BTBD17: variants seen among roughly 807,000 people sequenced by gnomAD.
BTBD17 encodes BTB/POZ domain-containing protein 17.
In BTBD17, 26 loss-of-function variants were observed where a neutral mutation model predicts 36.9. The ratio of observed to expected loss-of-function variants is 0.70; its 90% CI spans 0.52 to 0.98. The LOEUF is 0.98. Among genes scored for constraint, BTBD17 ranks in the 50% least tolerant of loss-of-function variants. The pLI, the probability that BTBD17 is intolerant of heterozygous loss-of-function variation, is 0.00. For synonymous variants in BTBD17, 341 were observed against 338.0 expected, an observed-to-expected ratio of 1.01 and a Z score of -0.10; for missense variants, 630 against 691.3, an observed-to-expected ratio of 0.91 and a Z score of 0.99.
At chr17:74,360,710 T>C (rs2054932566) in intron 1 of BTBD17, among the ~76,000 whole-genome samples, 1 of 152,222 alleles carries the variant, frequency 6.6e-6, no homozygotes, top group African/African-American at 2.4e-5. Context: ...TGCTAGACAT[T>C]CTCCTAAGAG....
rs2144322771 is a variant in BTBD17, at chr17:74,358,627, C to T, written c.363-896G>A. On this transcript the variant is annotated intron_variant, in intron 2 of 2. Coordinates refer to ENST00000375366, the MANE Select transcript of BTBD17 (RefSeq NM_001080466.2). Reference sequence around the variant, plus strand: ...CCCCCATTTCTTTTTTGCAGCCTCACCTTTCTTTTTCCTCTCCTACTGTTG... The same window carrying T: ...CCCCCATTTCTTTTTTGCAGCCTCATCTTTCTTTTTCCTCTCCTACTGTTG... 2.0e-5 allele frequency among the ~76,000 whole-genome samples: 3 copies of T among 151,910 alleles called. No individual in the cohort carries two copies. The South Asian group carries it at 6.2e-4, about 32-fold the overall frequency.
At position 74,357,302 on chromosome 17, in the gene BTBD17, C is replaced by A. The variant is rs770150785; in HGVS notation, c.792G>T (p.Gln264His). Residue 264 changes from glutamine (Q) to histidine (H), a missense_variant, in exon 3 of 3, where the codon CAG becomes CAT. Gln to His is a conservative substitution (Grantham distance 24, BLOSUM62 0). Coordinates refer to ENST00000375366, the MANE Select transcript of BTBD17 (RefSeq NM_001080466.2). The surrounding 1 kb of genome is among the most constrained non-coding windows in gnomAD (Gnocchi z 8.4). ...AIRYPMIPPA[Q>H]LFQLQARSAA... The stretch of plus-strand genomic sequence containing the variant: ...CCGAGCGCGCCTGCAGCTGGAACAG[C>A]TGTGCCGGTGGGATCATGGGGTAGC... The A allele has an allele frequency of 1.4e-5, 22 of 1,558,846 alleles. No homozygotes were observed. Among genetic ancestry groups the A allele is most frequent in the Admixed American group, 7.6e-5 (4 of 52,980 alleles).
rs1567931232 is a variant in BTBD17, at chr17:74,357,842, G to C, written c.363-111C>G. The C allele has an allele frequency of 1.2e-6, 1 of 831,366 alleles. No homozygotes were observed. Among genetic ancestry groups the C allele is most frequent in the Non-Finnish European group, 1.8e-6 (1 of 556,426 alleles). The allele number at this position is 831,366 out of a possible 1,614,324, so 51.5% of individuals were successfully genotyped here. A position where few individuals can be genotyped will look rare whatever the true frequency, so the allele number is the denominator to read the frequency against. On this transcript the variant is annotated intron_variant, in intron 2 of 2. Coordinates refer to ENST00000375366, the MANE Select transcript of BTBD17 (RefSeq NM_001080466.2). The surrounding 1 kb of genome is among the most constrained non-coding windows in gnomAD (Gnocchi z 8.4). ...CCTGGAGTTGGAGCTTCACTGTCCG[G>C]GTGCAAACACAGTGGAAGCCCCACC...
At chr17:74,362,401 G>A (rs1340073342), upstream of BTBD17, among the ~76,000 whole-genome samples, 5 of 152,200 alleles carry the variant, frequency 3.3e-5, no homozygotes, top group South Asian at 2.1e-4. Context: ...GAGATCTCTC[G>A]AATAGGGGCC....
rs372913931 is a variant in BTBD17, at chr17:74,356,667, G to T, written c.1427C>A (p.Thr476Asn). Residue 476 changes from threonine to asparagine, a missense_variant, in exon 3 of 3, where the codon ACC becomes AAC. Physicochemically the swap from Thr to Asn is moderately conservative, Grantham distance 65. Transcript: ENST00000375366. This position sits in a 1 kb window ranked among gnomAD's most constrained non-coding sequence, Gnocchi z 4.3. ...VKPVYHTLIR[T>N]PK ...TCCCAGACCCCGAGGCTACTTGGGGGTCCGGATAAGGGTGTGGTATACGGG... is the reference window on the plus strand; with the variant it reads ...TCCCAGACCCCGAGGCTACTTGGGGTTCCGGATAAGGGTGTGGTATACGGG... 6.5e-7 allele frequency: 1 copy of T among 1,535,680 alleles called. No homozygotes were observed. Among genetic ancestry groups the T allele is most frequent in the Non-Finnish European group, 8.8e-7 (1 of 1,135,008 alleles).
At position 74,357,037 on chromosome 17, in the gene BTBD17, G is replaced by T; in HGVS notation, c.1057C>A (p.Arg353=). ...GAGAAGAGCACGTTCCAGGTGACCC[G>T]GCGGCCCGCGTCGTGGCCACTCGGG... ...LGPSGHDAGR[R]VTWNVLFSPR... is the part of the protein sequence containing the mutation. Residue 353 remains arginine, a synonymous_variant, in exon 3 of 3, where the codon CGG becomes AGG. Transcript: ENST00000375366. This position sits in a 1 kb window ranked among gnomAD's most constrained non-coding sequence, Gnocchi z 8.4. The T allele has an allele frequency of 6.6e-7, 1 of 1,526,280 alleles. No individual in the cohort carries two copies. Among genetic ancestry groups the T allele is most frequent in the Non-Finnish European group, 8.7e-7 (1 of 1,149,388 alleles). The allele number at this position is 1,526,280 out of a possible 1,614,324, so 94.5% of individuals were successfully genotyped here.
rs1165632904 is a variant in BTBD17 at position 74,357,330 on chromosome 17, A to G, written c.764T>C (p.Ile255Thr). 1.3e-6 allele frequency: 2 copies of G among 1,555,350 alleles called. No individual in the cohort carries two copies. Among genetic ancestry groups the G allele is most frequent in the Non-Finnish European group, 1.7e-6 (2 of 1,157,688 alleles). Residue 255 changes from isoleucine to threonine, a missense_variant, in exon 3 of 3, where the codon ATA becomes ACA. Coordinates refer to ENST00000375366, the MANE Select transcript of BTBD17 (RefSeq NM_001080466.2). This position sits in a 1 kb window ranked among gnomAD's most constrained non-coding sequence, Gnocchi z 8.4. ...TGCCGGTGGGATCATGGGGTAGCGT[A>G]TGGCGCGCAGCGCCCGCTCGGCCAC... is the stretch of plus-strand genomic sequence containing the variant. ...PAVAERALRA[I>T]RYPMIPPAQL...
chr17:74,357,355 C>T lies in BTBD17; in HGVS notation c.739G>A (p.Val247Met), dbSNP rs1202764860. Residue 247 changes from valine (V) to methionine (M), a missense_variant, in exon 3 of 3, where the codon GTG (valine) becomes ATG (methionine). Transcript: ENST00000375366. This position sits in a 1 kb window ranked among gnomAD's most constrained non-coding sequence, Gnocchi z 8.4. ...WLGRARPPPA[V>M]AERALRAIRY... is the part of the protein sequence containing the mutation. ...ATGGCGCGCAGCGCCCGCTCGGCCA[C>T]GGCAGGGGGCGGCCGCGCGCGACCC... 9 of 1,548,718 alleles carry T rather than the reference C, an allele frequency of 5.8e-6. No homozygotes were observed. The highest frequency in any genetic ancestry group is 2.3e-5 in the South Asian group (2 of 85,272).
intron 2 of BTBD17, 25 bp downstream of exon 2, chr17:74,359,944 A>G: frequency 6.3e-7 from 1 of 1,594,854 alleles, no homozygotes; most frequent in South Asian, 1.1e-5. Context: ...GGATGAAGCC[A>G]TCCCCTAGTC....
upstream of BTBD17, among the ~76,000 whole-genome samples, chr17:74,362,676 CCTG>C (rs1206864728): frequency 6.6e-6 from 1 of 152,232 alleles, no homozygotes; most frequent in Non-Finnish European, 1.5e-5. Flanking sequence ...GACTGTCTGC[CCTG>C]CTATTTCCTG....
rs752279169 is a variant in BTBD17, at chr17:74,357,352, C to T, written c.742G>A (p.Ala248Thr). The T allele has an allele frequency of 1.1e-5, 17 of 1,552,108 alleles. No homozygotes were observed. The highest frequency in any genetic ancestry group is 8.6e-6 in the Non-Finnish European group (10 of 1,157,198). ...CGTATGGCGCGCAGCGCCCGCTCGG[C>T]CACGGCAGGGGGCGGCCGCGCGCGA... ...LGRARPPPAV[A>T]ERALRAIRYP... Residue 248 changes from alanine (A) to threonine (T), a missense_variant, in exon 3 of 3, where the codon GCC (alanine) becomes ACC (threonine). By Grantham distance (58) the Ala-to-Thr change is moderately conservative. Transcript: ENST00000375366. The surrounding 1 kb of genome is among the most constrained non-coding windows in gnomAD (Gnocchi z 8.4).
chr17:74,358,416 C>T (rs1028696875), intron 2 of BTBD17, among the ~76,000 whole-genome samples: 7 of 150,180 alleles, frequency 4.7e-5, no homozygotes, highest in African/African-American at 1.7e-4. Context: ...GGGAAGATAG[C>T]TTCAGCCTAG....
chr17:74,359,994 C>T lies in BTBD17; in HGVS notation c.337G>A (p.Ala113Thr), dbSNP rs772918115. 27 of 1,611,832 alleles carry T rather than the reference C, an allele frequency of 1.7e-5. No homozygotes were observed. Among genetic ancestry groups the T allele is most frequent in the Admixed American group, 5.0e-5 (3 of 59,994 alleles). Residue 113 changes from alanine to threonine, a missense_variant, in exon 2 of 3, where the codon GCC becomes ACC. Transcript: ENST00000375366. ...EAVLQEPQDC[A>T]AVFDKFIRYL... ...CTGATGAACTTGTCGAAGACAGCGG[C>T]GCAGTCCTGTGGCTCCTGCAGCACC...
chr17:74,358,465 G>A (rs952200142), intron 2 of BTBD17, among the ~76,000 whole-genome samples: 1 of 140,544 alleles, frequency 7.1e-6, no homozygotes, highest in African/African-American at 2.6e-5. Flanking sequence ...ATCATGCCAC[G>A]ACACTCCAGC....
chr17:74,357,041 G>T lies in BTBD17; in HGVS notation c.1053C>A (p.Gly351=), dbSNP rs1424930861. Residue 351 remains glycine, a synonymous_variant, in exon 3 of 3, where the codon GGC becomes GGA. Coordinates refer to ENST00000375366, the MANE Select transcript of BTBD17 (RefSeq NM_001080466.2). The surrounding 1 kb of genome is among the most constrained non-coding windows in gnomAD (Gnocchi z 8.4). ...TQLGPSGHDA[G]RRVTWNVLFS... ...AGAGCACGTTCCAGGTGACCCGGCGGCCCGCGTCGTGGCCACTCGGGCCCA... is the reference window on the plus strand; with the variant it reads ...AGAGCACGTTCCAGGTGACCCGGCGTCCCGCGTCGTGGCCACTCGGGCCCA... 17 of 1,526,870 alleles carry T rather than the reference G, an allele frequency of 1.1e-5. No individual in the cohort carries two copies. The East Asian group carries it at 4.5e-4, about 40-fold the overall frequency. 94.6% of individuals were successfully genotyped at this position (1,526,870 alleles called of 1,614,324 possible).
chr17:74,359,964 C>T lies in BTBD17; in HGVS notation c.362+5G>A. ...AAGCCATCCCCTAGTCTTCCGCGTC[C>T]CCACCTGATGAACTTGTCGAAGACA... On this transcript the variant is annotated splice_donor_5th_base_variant and intron_variant, in intron 2 of 2. Transcript: ENST00000375366. 1 of 1,603,766 alleles carries T rather than the reference C, an allele frequency of 6.2e-7. No individual in the cohort carries two copies. Among genetic ancestry groups the T allele is most frequent in the Non-Finnish European group, 8.5e-7 (1 of 1,172,978 alleles).
intron 2 of BTBD17, among the ~76,000 whole-genome samples, chr17:74,358,475 CTTTTTTTTTTTTTT>C (rs1204577844): frequency 1.7e-5 from 1 of 60,088 alleles, no homozygotes; most frequent in Non-Finnish European, 3.0e-5. Flanking sequence ...GACACTCCAG[CTTTTTTTTTTTTTT>C]TTTTTTTTTT....
chr17:74,362,965 C>CGCGT (rs112779081), upstream of BTBD17, among the ~76,000 whole-genome samples: 6,291 of 145,982 alleles, frequency 0.043, 222 homozygotes, highest in Non-Finnish European at 0.063. Context: ...AGCGCGCGCG[C>CGCGT]ATGTGTGTGT....
Position 74,356,744 on chromosome 17 carries a change from G to A in BTBD17, c.1350C>T (p.Arg450=), listed in dbSNP as rs1466262106. ...DFLAHADLQR[R]NSEYLVENAL... is the part of the protein sequence containing the mutation. ...CGTTCTCAACCAGGTACTCGGAGTT[G>A]CGCCGCTGCAGGTCGGCGTGCGCCA... The change falls in exon 3 of 3, where the codon CGC becomes CGT. Residue 450 remains arginine (R), a synonymous_variant. Coordinates refer to ENST00000375366, the MANE Select transcript of BTBD17 (RefSeq NM_001080466.2). This position sits in a 1 kb window ranked among gnomAD's most constrained non-coding sequence, Gnocchi z 4.3. 2 of 1,601,390 alleles carry A rather than the reference G, an allele frequency of 1.2e-6. No individual in the cohort carries two copies. The highest frequency in any genetic ancestry group is 1.7e-6 in the Non-Finnish European group (2 of 1,174,834).
Sources: gnomAD v4.1 joint callset for allele counts (sites outside exome capture counted in the v4.1 genomes callset) on GRCh38, gnomAD v4.1.1 for gene constraint, Gnocchi (gnomAD v3.1) non-coding constraint, MANE v1.5 for transcripts, NCBI Gene and HGNC (gene_info 2026-07-23, HGNC 2026-07-21) for gene names.